The following LPP variants were observed in gnomAD, a reference collection of about 807,000 sequenced individuals.
The protein encoded by LPP is LIM domain containing preferred translocation partner in lipoma.
Under a neutral mutation model 60.4 loss-of-function variants are expected in LPP, and 38 were observed. The observed-to-expected ratio is 0.63, with a 90% confidence interval of 0.49 to 0.83. The LOEUF (loss-of-function observed/expected upper bound fraction) is 0.83, where lower values mean the gene tolerates loss of function less well. Among genes scored for constraint, LPP ranks in the 40% least tolerant of loss-of-function variants. LPP has a pLI of 0.00. For missense variants in LPP, 902 were observed against 783.6 expected (o/e 1.15, Z -1.80); for synonymous variants, 328 against 290.8 (o/e 1.13, Z -1.30).
At chr3:188,602,168 T>TATATATA (rs1841428990) in intron 6 of LPP, among the ~76,000 whole-genome samples, 1 of 129,054 alleles carries the variant, frequency 7.7e-6, no homozygotes, top group Non-Finnish European at 1.7e-5. Flanking sequence ...ATATATAATA[T>TATATATA]ATATATATTA....
At chr3:188,785,445 A>G (rs1359232644) in intron 9 of LPP, among the ~76,000 whole-genome samples, 1 of 28,994 alleles carries the variant, frequency 3.4e-5, no homozygotes, top group South Asian at 2.3e-3. Flanking sequence ...CATCATATAT[A>G]TATATTCCAT....
chr3:188,800,518 T>C (rs1746868378), intron 9 of LPP, among the ~76,000 whole-genome samples: 1 of 152,172 alleles, frequency 6.6e-6, no homozygotes, highest in Non-Finnish European at 1.5e-5. Context: ...GTGCTGGGAT[T>C]ACAGGCGTGA....
intron 4 of LPP, among the ~76,000 whole-genome samples, chr3:188,426,041 G>C (rs572241184): frequency 3.0e-4 from 45 of 152,138 alleles, no homozygotes; most frequent in Admixed American, 2.9e-3. Flanking sequence ...TAATTGCAAC[G>C]TTAGGGTGTC....
chr3:188,535,016 A>G (rs1448174873), intron 6 of LPP, among the ~76,000 whole-genome samples: 2 of 151,870 alleles, frequency 1.3e-5, no homozygotes, highest in African/African-American at 4.8e-5. Context: ...ATATTTCCTT[A>G]TGAATCTGTA....
chr3:188,680,462 G>A (rs1859232676), intron 7 of LPP, among the ~76,000 whole-genome samples: 1 of 152,148 alleles, frequency 6.6e-6, no homozygotes. Flanking sequence ...TTCATAATAA[G>A]AAGGGTATTT....
At chr3:188,476,103 T>C (rs761386992) in intron 4 of LPP, among the ~76,000 whole-genome samples, 2 of 152,246 alleles carry the variant, frequency 1.3e-5, no homozygotes, top group Non-Finnish European at 2.9e-5. Context: ...TGCCCTACAT[T>C]TCATCATAGC....
chr3:188,243,453 G>A (rs1479933), intron 2 of LPP, among the ~76,000 whole-genome samples: 2 of 152,208 alleles, frequency 1.3e-5, no homozygotes, highest in Non-Finnish European at 2.9e-5. Flanking sequence ...CGGGGGCTTG[G>A]GGTGGTGTCT....
chr3:188,391,236 G>A (rs537640269), intron 3 of LPP, among the ~76,000 whole-genome samples: 8 of 152,164 alleles, frequency 5.3e-5, no homozygotes, highest in South Asian at 2.1e-4. Flanking sequence ...GACTAGATTC[G>A]GCTTTCTGCT....
intron 8 of LPP, 152 bp from the exon 9 acceptor site, chr3:188,759,961 C>A: frequency 1.6e-6 from 1 of 631,538 alleles, no homozygotes; most frequent in Non-Finnish European, 2.8e-6. Context: ...GGTGATCTTG[C>A]TGGGGTAATG....
At chr3:188,257,203 C>T (rs1420291974) in intron 2 of LPP, among the ~76,000 whole-genome samples, 2 of 152,164 alleles carry the variant, frequency 1.3e-5, no homozygotes, top group East Asian at 3.9e-4. Flanking sequence ...TCCATTTTCC[C>T]TGTCTTATGA....
intron 2 of LPP, among the ~76,000 whole-genome samples, chr3:188,307,173 G>A (rs1208952947): frequency 2.0e-5 from 3 of 152,200 alleles, no homozygotes; most frequent in East Asian, 1.9e-4. Context: ...TTTTACAGAC[G>A]TGAGCATTGA....
intron 2 of LPP, among the ~76,000 whole-genome samples, chr3:188,335,914 G>A (rs1409314102): frequency 3.3e-5 from 5 of 152,160 alleles, no homozygotes; most frequent in African/African-American, 1.2e-4. Context: ...TAGGGTTGGT[G>A]TTACAGTTGG....
intron 7 of LPP, among the ~76,000 whole-genome samples, chr3:188,702,396 G>A (rs1864653054): frequency 6.7e-6 from 1 of 149,258 alleles, no homozygotes; most frequent in African/African-American, 2.5e-5. Flanking sequence ...TCAAACTACA[G>A]GTCATCTTTT....
intron 7 of LPP, among the ~76,000 whole-genome samples, chr3:188,675,175 A>G (rs1857758465): frequency 6.6e-6 from 1 of 152,218 alleles, no homozygotes; most frequent in South Asian, 2.1e-4. Context: ...CGATTACATA[A>G]CAGCTGTTCA....
intron 9 of LPP, among the ~76,000 whole-genome samples, chr3:188,802,633 A>G (rs1399898970): frequency 6.6e-6 from 1 of 152,068 alleles, no homozygotes; most frequent in Non-Finnish European, 1.5e-5. Context: ...AAATACAAAA[A>G]TTAGCTGGGT....
intron 6 of LPP, among the ~76,000 whole-genome samples, chr3:188,540,030 A>G (rs532793071): frequency 6.6e-6 from 1 of 152,298 alleles, no homozygotes; most frequent in Admixed American, 6.5e-5. Context: ...GACTTTGCAC[A>G]ATTTGCTGTG....
At chr3:188,752,308 T>TA (rs1728360545) in intron 8 of LPP, among the ~76,000 whole-genome samples, 1 of 152,192 alleles carries the variant, frequency 6.6e-6, no homozygotes, top group South Asian at 2.1e-4. Context: ...TAAGACCACT[T>TA]ATCTAGTGAG....
Position 188,706,873 on chromosome 3 carries a change from A to G in LPP, c.1114-1394A>G, listed in dbSNP as rs542445731. 2.6e-5 allele frequency among the ~76,000 whole-genome samples: 4 copies of G among 152,334 alleles called. No homozygotes were observed. The South Asian group carries it at 8.3e-4, about 32-fold the overall frequency. ...TCTCTGCCCATTACTCATGGCAGAC[A>G]TCATCATCAGTTCTAAATTTAAATA... On this transcript the variant is annotated intron_variant, in intron 7 of 11. Coordinates refer to ENST00000617246, the MANE Select transcript of LPP (RefSeq NM_001375462.1).
At chr3:188,590,694 A>G (rs1005355097) in intron 6 of LPP, among the ~76,000 whole-genome samples, 1 of 152,196 alleles carries the variant, frequency 6.6e-6, no homozygotes, top group Non-Finnish European at 1.5e-5. Flanking sequence ...ATTGGAGAAT[A>G]CTAGAGAGTG....
Sources: allele counts gnomAD v4.1 joint callset (sites outside exome capture counted in the v4.1 genomes callset), GRCh38; gene constraint gnomAD v4.1.1; transcripts MANE v1.5; gene names NCBI Gene and HGNC (gene_info 2026-07-23, HGNC 2026-07-21).